The following HELLS variants were observed in gnomAD, a reference collection of about 807,000 sequenced individuals.
The protein encoded by HELLS is lymphoid-specific helicase.
Under a neutral mutation model 120.0 loss-of-function variants are expected in HELLS, and 32 were observed. The ratio of observed to expected loss-of-function variants is 0.27; its 90% CI spans 0.20 to 0.36. The LOEUF is 0.36. Ranked by LOEUF, HELLS falls within the 10% of genes least tolerant of loss-of-function variation. HELLS has a pLI of 1.00. For synonymous variants in HELLS, 341 were observed against 323.4 expected, an observed-to-expected ratio of 1.05 and a Z score of -0.58; for missense variants, 650 against 993.4, an observed-to-expected ratio of 0.65 and a Z score of 4.65.
chr10:94,549,931 T>G (rs1842900823), intron 2 of HELLS, among the ~76,000 whole-genome samples: 1 of 152,176 alleles, frequency 6.6e-6, no homozygotes, highest in South Asian at 2.1e-4. Flanking sequence ...TTTATTTTTA[T>G]TTTTTTGAGA....
At chr10:94,594,893 T>A (rs1169383726) in intron 19 of HELLS, 39 bp downstream of exon 19, 52 of 1,449,074 alleles carry the variant, frequency 3.6e-5, no homozygotes, top group Non-Finnish European at 4.7e-5. Flanking sequence ...GTTTAAATTG[T>A]GCATTGTGTG....
Position 94,546,367 on chromosome 10 carries a change from C to T in HELLS, c.32-10C>T, listed in dbSNP as rs1254930803. 13 of 1,613,820 alleles carry T rather than the reference C, an allele frequency of 8.1e-6. No individual in the cohort carries two copies. Among genetic ancestry groups the T allele is most frequent in the East Asian group, 4.5e-5 (2 of 44,884 alleles). On this transcript the variant is annotated splice_polypyrimidine_tract_variant and intron_variant, in intron 1 of 21. Coordinates refer to ENST00000348459, the MANE Select transcript of HELLS (RefSeq NM_018063.5). ...TAAAACTGCAATTTGAAAGCTTTCTCCCCCGTCAGGCTCGGAGGCTCCAGC... is the reference window on the plus strand; with the variant it reads ...TAAAACTGCAATTTGAAAGCTTTCTTCCCCGTCAGGCTCGGAGGCTCCAGC...
chr10:94,566,530 C>A (rs1843806418), intron 6 of HELLS, among the ~76,000 whole-genome samples: 1 of 152,132 alleles, frequency 6.6e-6, no homozygotes, highest in South Asian at 2.1e-4. Flanking sequence ...GAGTTTAAGG[C>A]TGCCATAAGT....
intron 12 of HELLS, chr10:94,584,085 A>G (rs772524266): frequency 1.4e-6 from 2 of 1,394,212 alleles, no homozygotes; most frequent in East Asian, 5.4e-5. Context: ...ATACGTCCAT[A>G]TGAAAATACT....
intron 8 of HELLS, among the ~76,000 whole-genome samples, chr10:94,607,451 A>G (rs1846140890): frequency 6.6e-6 from 1 of 152,228 alleles, no homozygotes; most frequent in Non-Finnish European, 1.5e-5. Flanking sequence ...AGATGGACTC[A>G]TTTCATGATG....
At chr10:94,582,689 A>AT (rs983832408) in intron 11 of HELLS, among the ~76,000 whole-genome samples, 88 of 152,086 alleles carry the variant, frequency 5.8e-4, no homozygotes, top group African/African-American at 2.0e-3. Flanking sequence ...CTTATTTTTG[A>AT]TTTTTATACT....
At chr10:94,553,213 C>G (rs553639343) in intron 2 of HELLS, among the ~76,000 whole-genome samples, 15 of 151,908 alleles carry the variant, frequency 9.9e-5, no homozygotes, top group South Asian at 2.1e-4. Context: ...TATAATAACA[C>G]GGAACCACAA....
chr10:94,552,355 C>T (rs1337284262), intron 2 of HELLS, among the ~76,000 whole-genome samples: 1 of 152,196 alleles, frequency 6.6e-6, no homozygotes, highest in Non-Finnish European at 1.5e-5. Context: ...GCCAGTGTTG[C>T]TTAAAGCAGG....
chr10:94,574,339 T>A, intron 8 of HELLS, 152 bp downstream of exon 8: 1 of 708,062 alleles, frequency 1.4e-6, no homozygotes, highest in Non-Finnish European at 2.3e-6. Flanking sequence ...TACCCTGAAT[T>A]TTTAGAAGTA....
chr10:94,553,615 C>T (rs1314744202), intron 2 of HELLS, among the ~76,000 whole-genome samples: 2 of 142,586 alleles, frequency 1.4e-5, no homozygotes, highest in African/African-American at 5.4e-5. Context: ...GGCATGATCT[C>T]GGCTCACTGC....
chr10:94,588,842 C>G (rs184259630), intron 13 of HELLS, among the ~76,000 whole-genome samples: 3 of 152,216 alleles, frequency 2.0e-5, no homozygotes, highest in African/African-American at 7.2e-5. Context: ...TTACAGTCAT[C>G]TGGAATACTT....
intron 9 of HELLS, among the ~76,000 whole-genome samples, chr10:94,609,603 A>G (rs930760042): frequency 1.3e-5 from 2 of 152,270 alleles, no homozygotes; most frequent in Admixed American, 1.3e-4. Context: ...ACCATTTATT[A>G]CTGTACTTGA....
chr10:94,561,531 T>C (rs77443196), intron 4 of HELLS, among the ~76,000 whole-genome samples: 4,259 of 152,250 alleles, frequency 0.028, 94 homozygotes, highest in South Asian at 0.044. Flanking sequence ...AGTAGCACCA[T>C]AGTAGCTCAC....
At chr10:94,566,631 TTTTC>T (rs369830302) in intron 6 of HELLS, among the ~76,000 whole-genome samples, 12 of 151,958 alleles carry the variant, frequency 7.9e-5, no homozygotes, top group African/African-American at 1.4e-4. Flanking sequence ...GCATAGTAGT[TTTTC>T]TTTCTTTCTT....
At chr10:94,576,424 T>G (rs900150011) in intron 9 of HELLS, among the ~76,000 whole-genome samples, 4 of 152,208 alleles carry the variant, frequency 2.6e-5, no homozygotes, top group African/African-American at 9.6e-5. Flanking sequence ...AGTGTTGAGA[T>G]TATAGGTGTG....
chr10:94,571,821 T>C (rs930913643), intron 7 of HELLS, among the ~76,000 whole-genome samples: 2 of 152,224 alleles, frequency 1.3e-5, no homozygotes, highest in African/African-American at 4.8e-5. Flanking sequence ...AAGTTCTGTT[T>C]GAGAAGGCTT....
Position 94,580,860 on chromosome 10 carries a change from A to G in HELLS, c.1033-466A>G, listed in dbSNP as rs139744678. Among the ~76,000 whole-genome samples the G allele has an allele frequency of 5.3e-5, 8 of 152,336 alleles. No homozygotes were observed. The East Asian group carries it at 1.5e-3, about 29-fold the overall frequency. On this transcript the variant is annotated intron_variant, in intron 10 of 21. Transcript: ENST00000348459. ...TGAGAAAGTTAAAACAATTTCCTTG[A>G]TAACTTTATGAAAGTGAGTGGGTGA...
At chr10:94,598,993 A>G (rs1029854140) in intron 21 of HELLS, among the ~76,000 whole-genome samples, 1 of 152,032 alleles carries the variant, frequency 6.6e-6, no homozygotes, top group African/African-American at 2.4e-5. Flanking sequence ...TTATTTCTGT[A>G]TTCTCAATTC....
exon 10 of HELLS, chr10:94,612,354 C>G (rs1846201701): frequency 3.9e-5 from 6 of 152,162 alleles, no homozygotes; most frequent in Admixed American, 3.9e-4. Context: ...TAATGTATCT[C>G]TTGATCACTA....
Sources: gnomAD v4.1 joint callset for allele counts (sites outside exome capture counted in the v4.1 genomes callset) on GRCh38, gnomAD v4.1.1 for gene constraint, MANE v1.5 for transcripts, NCBI Gene and HGNC (gene_info 2026-07-23, HGNC 2026-07-21) for gene names.